The following C12orf42 variants were observed in gnomAD, a reference collection of about 807,000 sequenced individuals.
The protein encoded by C12orf42 is uncharacterized protein C12orf42.
C12orf42 carries 25 observed loss-of-function variants against 21.6 expected under a neutral mutation model. The observed-to-expected ratio is 1.16, with a 90% confidence interval of 0.84 to 1.62. The LOEUF is 1.62. C12orf42 is among the 40% of genes most tolerant of loss of function. C12orf42 has a pLI of 0.00. For missense variants in C12orf42, 483 were observed against 459.3 expected, an observed-to-expected ratio of 1.05 and a Z score of -0.47; for synonymous variants, 174 against 175.0, an observed-to-expected ratio of 0.99 and a Z score of 0.05.
intron 3 of C12orf42, among the ~76,000 whole-genome samples, chr12:103,383,708 A>G (rs2046365089): frequency 6.6e-6 from 1 of 152,262 alleles, no homozygotes; most frequent in Admixed American, 6.5e-5. Context: ...TAAATGACAT[A>G]GCAGTTCAGC....
chr12:103,168,370 A>T, the C12orf42 span: 1 of 251,462 alleles, frequency 4.0e-6, no homozygotes, highest in Non-Finnish European at 7.9e-6. Flanking sequence ...CTTAGATATT[A>T]CCTAGTTCAA....
chr12:103,224,431 A>G, the C12orf42 span, among the ~76,000 whole-genome samples: 6 of 152,326 alleles, frequency 3.9e-5, no homozygotes, highest in Non-Finnish European at 8.8e-5. Context: ...TGGAACCGCC[A>G]TCAATAAATT....
At chr12:103,517,135 C>A in the C12orf42 span, among the ~76,000 whole-genome samples, 12 of 152,310 alleles carry the variant, frequency 7.9e-5, no homozygotes, top group Middle Eastern at 3.4e-3. Flanking sequence ...TGGGATGGAG[C>A]AGCTGGATAG....
At chr12:103,290,025 G>T (rs2136357195) in intron 4 of C12orf42, among the ~76,000 whole-genome samples, 1 of 152,232 alleles carries the variant, frequency 6.6e-6, no homozygotes, top group South Asian at 2.1e-4. Flanking sequence ...TCCCCATCTG[G>T]GTTAGTGACA....
intron 1 of C12orf42, among the ~76,000 whole-genome samples, chr12:103,483,142 C>T (rs1425135088): frequency 6.6e-6 from 1 of 152,054 alleles, no homozygotes; most frequent in Non-Finnish European, 1.5e-5. Context: ...GGACAGTGAG[C>T]TTCTCATTTT....
chr12:103,316,395 C>T (rs1205758044), intron 4 of C12orf42, among the ~76,000 whole-genome samples: 4 of 151,964 alleles, frequency 2.6e-5, no homozygotes, highest in African/African-American at 9.7e-5. Flanking sequence ...GTTTTAGACA[C>T]ACACAAAAAT....
intron 3 of C12orf42, among the ~76,000 whole-genome samples, chr12:103,386,699 G>T (rs1252764035): frequency 1.3e-5 from 2 of 152,190 alleles, no homozygotes; most frequent in African/African-American, 4.8e-5. Context: ...ACTCAAAGCA[G>T]ACTGCAATTG....
chr12:103,540,709 C>T, the C12orf42 span, among the ~76,000 whole-genome samples: 1 of 152,094 alleles, frequency 6.6e-6, no homozygotes, highest in East Asian at 1.9e-4. Flanking sequence ...TAGCATGTGA[C>T]TGTATTTTTT....
rs182259407 is a variant in C12orf42, at chr12:103,376,321, G to A, written c.148-7323C>T. Among the ~76,000 whole-genome samples the A allele has an allele frequency of 5.3e-4, 81 of 152,164 alleles. No homozygotes were observed. The Middle Eastern group carries it at 0.01, about 19-fold the overall frequency. On this transcript the variant is annotated intron_variant, in intron 3 of 5. Transcript: ENST00000548883. ...AAACAGGAAAAGAAAACCAAACACC[G>A]CATGTTCTCACTCATAAGAGTGGGA...
the C12orf42 span, among the ~76,000 whole-genome samples, chr12:103,227,298 T>C: frequency 5.4e-5 from 8 of 149,114 alleles, no homozygotes; most frequent in Non-Finnish European, 8.9e-5. Flanking sequence ...GGGACTAGGG[T>C]GCAGAGATAT....
chr12:103,116,286 C>T, the C12orf42 span, among the ~76,000 whole-genome samples: 1 of 151,340 alleles, frequency 6.6e-6, no homozygotes, highest in Admixed American at 6.6e-5. Flanking sequence ...ATCGCTTGAA[C>T]CTGGGAGGCA....
chr12:103,121,123 G>A, the C12orf42 span, among the ~76,000 whole-genome samples: 1 of 152,116 alleles, frequency 6.6e-6, no homozygotes, highest in African/African-American at 2.4e-5. Flanking sequence ...GTATAGAGTG[G>A]AAATTTAAAA....
At chr12:103,313,254 A>G (rs1380158563) in intron 4 of C12orf42, among the ~76,000 whole-genome samples, 1 of 152,250 alleles carries the variant, frequency 6.6e-6, no homozygotes, top group Non-Finnish European at 1.5e-5. Context: ...TAGATTTTCT[A>G]TTAATGCTGA....
the C12orf42 span, among the ~76,000 whole-genome samples, chr12:103,530,314 G>A: frequency 6.6e-6 from 1 of 152,206 alleles, no homozygotes; most frequent in Non-Finnish European, 1.5e-5. Context: ...ATGTGGGATC[G>A]TTTGGCATTC....
the C12orf42 span, among the ~76,000 whole-genome samples, chr12:103,562,973 T>C: frequency 1.3e-5 from 2 of 152,322 alleles, no homozygotes; most frequent in African/African-American, 4.8e-5. Context: ...TGAAGCTACT[T>C]AAAATATGTC....
chr12:103,199,493 C>A, the C12orf42 span, among the ~76,000 whole-genome samples: 1 of 151,982 alleles, frequency 6.6e-6, no homozygotes, highest in East Asian at 1.9e-4. Flanking sequence ...TTCCTCACAG[C>A]CAAGAATACA....
At chr12:103,391,289 G>T (rs1363137618) in intron 3 of C12orf42, among the ~76,000 whole-genome samples, 1 of 151,934 alleles carries the variant, frequency 6.6e-6, no homozygotes, top group Non-Finnish European at 1.5e-5. Context: ...GATTATTTAG[G>T]AATAAAATTG....
intron 2 of C12orf42, among the ~76,000 whole-genome samples, chr12:103,444,129 TTTATG>T (rs1951432038): frequency 6.6e-6 from 1 of 152,058 alleles, no homozygotes; most frequent in Admixed American, 6.6e-5. Context: ...ATTTTAATAA[TTTATG>T]TTATCTTTAC....
the C12orf42 span, among the ~76,000 whole-genome samples, chr12:103,151,637 AAAAG>A: frequency 6.6e-6 from 1 of 152,210 alleles, no homozygotes; most frequent in East Asian, 1.9e-4. Context: ...ATCACACAAA[AAAAG>A]AAAAATAAAT....
Sources: allele counts gnomAD v4.1 joint callset (sites outside exome capture counted in the v4.1 genomes callset), GRCh38; gene constraint gnomAD v4.1.1; transcripts MANE v1.5; gene names NCBI Gene and HGNC (gene_info 2026-07-23, HGNC 2026-07-21).